The following NFIA variants were observed in gnomAD, a reference collection of about 807,000 sequenced individuals.
NFIA encodes nuclear factor I A.
NFIA carries 8 observed loss-of-function variants against 62.8 expected under a neutral mutation model. The observed-to-expected ratio is 0.13, with a 90% CI of 0.07 to 0.23. The LOEUF is 0.23. Ranked by LOEUF, NFIA falls within the 10% of genes least tolerant of loss-of-function variation. NFIA has a pLI of 1.00. For missense variants in NFIA, 410 were observed against 642.1 expected (o/e 0.64, Z 3.91); for synonymous variants, 235 against 238.1 (o/e 0.99, Z 0.12).
chr1:61,215,193 A>G (rs1653537254), intron 2 of NFIA, among the ~76,000 whole-genome samples: 1 of 152,202 alleles, frequency 6.6e-6, no homozygotes, highest in South Asian at 2.1e-4. Flanking sequence ...ATTCTTCAAT[A>G]TTGTCGAACT....
intron 2 of NFIA, among the ~76,000 whole-genome samples, chr1:61,255,015 G>A (rs994561468): frequency 3.3e-5 from 5 of 152,156 alleles, no homozygotes; most frequent in African/African-American, 1.2e-4. Context: ...CTGGCTTAGC[G>A]ATCTGAAAGT....
intron 2 of NFIA, among the ~76,000 whole-genome samples, chr1:61,240,188 A>G (rs1570435736): frequency 6.6e-6 from 1 of 152,214 alleles, no homozygotes; most frequent in African/African-American, 2.4e-5. Flanking sequence ...TTCAATAGAA[A>G]TTTTAAAATT....
chr1:61,392,401 T>C (rs895822363), intron 7 of NFIA, among the ~76,000 whole-genome samples: 1 of 152,050 alleles, frequency 6.6e-6, no homozygotes, highest in Non-Finnish European at 1.5e-5. Flanking sequence ...CTTTATTGTA[T>C]TGTAAAGAGT....
chr1:61,134,068 G>A (rs530560062), intron 2 of NFIA, among the ~76,000 whole-genome samples: 36 of 151,480 alleles, frequency 2.4e-4, no homozygotes, highest in Non-Finnish European at 4.6e-4. Flanking sequence ...AGAGGTTACA[G>A]TGAGCACTCC....
At chr1:61,197,186 CAG>C (rs1557629884) in intron 2 of NFIA, among the ~76,000 whole-genome samples, 1 of 150,330 alleles carries the variant, frequency 6.7e-6, no homozygotes, top group East Asian at 2.0e-4. Context: ...AGATTTCCCA[CAG>C]AGTTGTAGAG....
intron 2 of NFIA, among the ~76,000 whole-genome samples, chr1:61,104,506 G>GT (rs1444695647): frequency 6.6e-6 from 1 of 152,042 alleles, no homozygotes; most frequent in Non-Finnish European, 1.5e-5. Flanking sequence ...AATCTTCTTT[G>GT]TTTAATTGGA....
At chr1:61,337,529 CAGAG>C (rs377014397) in intron 4 of NFIA, among the ~76,000 whole-genome samples, 5 of 150,880 alleles carry the variant, frequency 3.3e-5, no homozygotes, top group Admixed American at 2.6e-4. Context: ...GATGCTGTGC[CAGAG>C]AGAGAGAGAG....
intron 10 of NFIA, among the ~76,000 whole-genome samples, chr1:61,447,376 C>A (rs906038180): frequency 1.3e-5 from 2 of 152,126 alleles, no homozygotes; most frequent in South Asian, 4.1e-4. Context: ...AATCTTTTAT[C>A]TTGCTCTTAT....
rs771496016 is a variant in NFIA, at chr1:61,359,224, G to C, written c.896G>C (p.Arg299Pro). 3 of 1,612,894 alleles carry C rather than the reference G, an allele frequency of 1.9e-6. No homozygotes were observed. The highest frequency in any genetic ancestry group is 2.5e-6 in the Non-Finnish European group (3 of 1,179,992). Residue 299 changes from arginine to proline, a missense_variant, in exon 6 of 11, where the codon CGC (arginine) becomes CCC (proline). Coordinates refer to ENST00000403491, the MANE Select transcript of NFIA (RefSeq NM_001134673.4). ...GAGCCATTTTATACAGGCCAAGGGC[G>C]CTCCCCAGGAAGTGGCAGTCAGTCA... ...GEEPFYTGQG[R>P]SPGSGSQSSG...
chr1:61,147,273 C>T (rs1216886480), intron 2 of NFIA, among the ~76,000 whole-genome samples: 2 of 152,060 alleles, frequency 1.3e-5, no homozygotes, highest in South Asian at 2.1e-4. Context: ...GCCTCAGCCT[C>T]CTGAGTAGCT....
intron 5 of NFIA, among the ~76,000 whole-genome samples, chr1:61,355,401 TAGAA>T (rs753474772): frequency 8.5e-5 from 13 of 152,252 alleles, no homozygotes; most frequent in African/African-American, 1.7e-4. Flanking sequence ...TTCAAAATCA[TAGAA>T]AGAGCAGTGT....
intron 2 of NFIA, among the ~76,000 whole-genome samples, chr1:61,096,775 A>G (rs1398711017): frequency 3.3e-5 from 5 of 149,528 alleles, no homozygotes; most frequent in South Asian, 2.1e-4. Context: ...CTGGACTCGA[A>G]CTCCTGACTT....
At chr1:61,271,872 A>G (rs184924661) in intron 2 of NFIA, among the ~76,000 whole-genome samples, 1 of 152,384 alleles carries the variant, frequency 6.6e-6, no homozygotes, top group African/African-American at 2.4e-5. Context: ...CAGTAATGAT[A>G]AGATTTCCCA....
chr1:61,249,396 C>T (rs1468308352), intron 2 of NFIA, among the ~76,000 whole-genome samples: 1 of 152,110 alleles, frequency 6.6e-6, no homozygotes, highest in East Asian at 1.9e-4. Context: ...ATAATTCAGC[C>T]AACACGTTTT....
At chr1:61,402,917 A>C (rs1285174901) in intron 7 of NFIA, among the ~76,000 whole-genome samples, 1 of 152,206 alleles carries the variant, frequency 6.6e-6, no homozygotes, top group Non-Finnish European at 1.5e-5. Flanking sequence ...GGTAGGGAAC[A>C]AAGAACCTAT....
chr1:61,338,190 G>A (rs139591053), intron 4 of NFIA, among the ~76,000 whole-genome samples: 103 of 152,310 alleles, frequency 6.8e-4, no homozygotes, highest in Middle Eastern at 6.8e-3. Flanking sequence ...TAGAGTCTTT[G>A]GGTGTGAAAA....
chr1:61,370,469 C>T (rs1246307705), intron 6 of NFIA, among the ~76,000 whole-genome samples: 2 of 152,164 alleles, frequency 1.3e-5, no homozygotes, highest in Non-Finnish European at 2.9e-5. Flanking sequence ...CGTCACTTTA[C>T]TTTGAAGCAT....
intron 3 of NFIA, among the ~76,000 whole-genome samples, chr1:61,326,623 G>A (rs969944195): frequency 3.9e-5 from 6 of 152,182 alleles, no homozygotes; most frequent in African/African-American, 1.4e-4. Flanking sequence ...AGTCTAATGT[G>A]AGAAAAAGAC....
intron 2 of NFIA, among the ~76,000 whole-genome samples, chr1:61,224,254 T>G (rs938669955): frequency 6.6e-6 from 1 of 152,176 alleles, no homozygotes; most frequent in Non-Finnish European, 1.5e-5. Flanking sequence ...TTTTAAAAGC[T>G]CAAGTTAATA....
Sources: gnomAD v4.1 joint callset for allele counts (sites outside exome capture counted in the v4.1 genomes callset) on GRCh38, gnomAD v4.1.1 for gene constraint, MANE v1.5 for transcripts, NCBI Gene and HGNC (gene_info 2026-07-23, HGNC 2026-07-21) for gene names.